The following GAS2 variants were observed in gnomAD, a reference collection of about 807,000 sequenced individuals.
GAS2 encodes the protein growth arrest specific 2.
GAS2 carries 20 observed loss-of-function variants against 37.5 expected under a neutral mutation model. That is an observed-to-expected ratio of 0.53 (90% confidence interval 0.37 to 0.77). The LOEUF is 0.77. Ranked by LOEUF, GAS2 falls within the 30% of genes least tolerant of loss-of-function variation. The pLI is 0.00. For synonymous variants in GAS2, 144 were observed against 132.2 expected (o/e 1.09, Z -0.61); for missense variants, 336 against 373.4 (o/e 0.90, Z 0.82).
chr11:22,705,468 C>G (rs1851067273), intron 3 of GAS2, among the ~76,000 whole-genome samples: 1 of 152,120 alleles, frequency 6.6e-6, no homozygotes, highest in African/African-American at 2.4e-5. Flanking sequence ...TGAATGCTAA[C>G]TGTGTACAAG....
At chr11:22,678,135 T>C (rs1171935339) in intron 2 of GAS2, among the ~76,000 whole-genome samples, 1 of 152,176 alleles carries the variant, frequency 6.6e-6, no homozygotes, top group African/African-American at 2.4e-5. Flanking sequence ...AGATAGATAA[T>C]AGACTTTAAG....
chr11:22,638,593 G>C (rs1858870258), intron 1 of GAS2, among the ~76,000 whole-genome samples: 1 of 152,034 alleles, frequency 6.6e-6, no homozygotes, highest in Non-Finnish European at 1.5e-5. Context: ...TGATCCTCCT[G>C]CCTCAGCCTC....
At chr11:22,802,419 G>A (rs577678751) in intron 7 of GAS2, among the ~76,000 whole-genome samples, 1 of 151,394 alleles carries the variant, frequency 6.6e-6, no homozygotes, top group African/African-American at 2.4e-5. Context: ...TAACAACCCT[G>A]CAGGTTGTGC....
At chr11:22,648,283 A>G (rs576071853) in intron 1 of GAS2, among the ~76,000 whole-genome samples, 8 of 152,128 alleles carry the variant, frequency 5.3e-5, no homozygotes, top group African/African-American at 1.7e-4. Context: ...ATTGATCTAT[A>G]TCTCTGTTTT....
chr11:22,647,955 T>C (rs1227742748), intron 1 of GAS2, among the ~76,000 whole-genome samples: 3 of 152,138 alleles, frequency 2.0e-5, no homozygotes, highest in African/African-American at 7.2e-5. Flanking sequence ...ATTTTGGCTT[T>C]TGTTGCCATT....
Position 22,812,310 on chromosome 11 carries a change from A to G in GAS2, c.*294A>G, listed in dbSNP as rs1857218480. On this transcript the variant is annotated 3_prime_UTR_variant, in exon 8 of 8. Transcript: ENST00000454584. Reference sequence around the variant, plus strand: ...ACACAATATTAGAAACACAATTCTAACTAAAGATAAATAAGGAGAAAACAT... The same window carrying G: ...ACACAATATTAGAAACACAATTCTAGCTAAAGATAAATAAGGAGAAAACAT... 1 of 248,630 alleles carries G rather than the reference A, an allele frequency of 4.0e-6. No homozygotes were observed. The highest frequency in any genetic ancestry group is 7.7e-6 in the Non-Finnish European group (1 of 130,106). 15.4% of individuals were successfully genotyped at this position (248,630 alleles called of 1,614,324 possible). A position where few individuals can be genotyped will look rare whatever the true frequency, so the allele number is the denominator to read the frequency against.
chr11:22,776,649 C>T (rs1462309237), intron 7 of GAS2, among the ~76,000 whole-genome samples: 1 of 152,106 alleles, frequency 6.6e-6, no homozygotes, highest in African/African-American at 2.4e-5. Flanking sequence ...ACATATTATA[C>T]ATTTATAGGA....
At chr11:22,656,228 T>C (rs996756425) in intron 1 of GAS2, among the ~76,000 whole-genome samples, 1 of 152,242 alleles carries the variant, frequency 6.6e-6, no homozygotes, top group Non-Finnish European at 1.5e-5. Flanking sequence ...AACTTGGCTA[T>C]GTTTTCTGAA....
chr11:22,789,457 C>CTTT (rs71037529), intron 7 of GAS2, among the ~76,000 whole-genome samples: 1,877 of 31,394 alleles, frequency 0.06, 268 homozygotes, highest in Non-Finnish European at 0.067. Flanking sequence ...TATATATATT[C>CTTT]TTTTTTTTTT....
chr11:22,650,973 G>A (rs1848768164), intron 1 of GAS2, among the ~76,000 whole-genome samples: 1 of 151,970 alleles, frequency 6.6e-6, no homozygotes, highest in Admixed American at 6.6e-5. Context: ...GATGTTAGCT[G>A]GTTATTTTGC....
At chr11:22,644,840 C>T (rs1486154747) in intron 1 of GAS2, among the ~76,000 whole-genome samples, 2 of 152,146 alleles carry the variant, frequency 1.3e-5, no homozygotes, top group Non-Finnish European at 2.9e-5. Context: ...CCAGGCTACT[C>T]TTGAACCCCT....
intron 7 of GAS2, among the ~76,000 whole-genome samples, chr11:22,773,386 C>CTTTT (rs34014416): frequency 1.5e-5 from 1 of 64,956 alleles, no homozygotes. Flanking sequence ...ACACCTCAAT[C>CTTTT]TTTTTTTTTT....
chr11:22,813,048 A>G (rs1857258496), downstream of GAS2: 1 of 152,564 alleles, frequency 6.6e-6, no homozygotes, highest in Non-Finnish European at 1.5e-5. Flanking sequence ...TTAATTTTCA[A>G]ATGGCAACTT....
At chr11:22,652,056 A>G (rs1308716259) in intron 1 of GAS2, among the ~76,000 whole-genome samples, 1 of 151,992 alleles carries the variant, frequency 6.6e-6, no homozygotes, top group Non-Finnish European at 1.5e-5. Flanking sequence ...GGTTTTATCT[A>G]CTTTTAGTCT....
intron 3 of GAS2, among the ~76,000 whole-genome samples, chr11:22,694,547 G>A (rs1224952474): frequency 6.6e-6 from 1 of 152,120 alleles, no homozygotes; most frequent in Non-Finnish European, 1.5e-5. Context: ...GCTTATGTGA[G>A]GAATTAATTA....
chr11:22,698,982 T>C (rs916426238), intron 3 of GAS2, among the ~76,000 whole-genome samples: 4 of 152,200 alleles, frequency 2.6e-5, no homozygotes, highest in Non-Finnish European at 5.9e-5. Flanking sequence ...TATTTTGTGT[T>C]TATAATTCTG....
intron 2 of GAS2, among the ~76,000 whole-genome samples, chr11:22,676,158 A>C (rs1331351818): frequency 3.3e-5 from 5 of 152,138 alleles, no homozygotes; most frequent in African/African-American, 1.2e-4. Context: ...ATAGGTCAGA[A>C]AAAGAAGAAG....
At chr11:22,751,572 T>C (rs1481574483) in intron 6 of GAS2, among the ~76,000 whole-genome samples, 1 of 152,014 alleles carries the variant, frequency 6.6e-6, no homozygotes, top group Non-Finnish European at 1.5e-5. Context: ...CTTATTCTGT[T>C]TATCCATGTT....
chr11:22,751,721 A>G (rs915965879), intron 6 of GAS2, among the ~76,000 whole-genome samples: 3 of 151,908 alleles, frequency 2.0e-5, no homozygotes, highest in Non-Finnish European at 4.4e-5. Flanking sequence ...CTTGTCCCCT[A>G]TCTGGCAATC....
Sources: gnomAD v4.1 joint callset for allele counts (sites outside exome capture counted in the v4.1 genomes callset) on GRCh38, gnomAD v4.1.1 for gene constraint, MANE v1.5 for transcripts, NCBI Gene and HGNC (gene_info 2026-07-23, HGNC 2026-07-21) for gene names.